SCN8A: variants seen among roughly 807,000 people sequenced by gnomAD.
SCN8A encodes sodium voltage-gated channel alpha subunit 8, also known as sodium channel protein type 8 subunit alpha.
Under a neutral mutation model 184.1 loss-of-function variants are expected in SCN8A, and 30 were observed. The ratio of observed to expected loss-of-function variants is 0.16; its 90% CI spans 0.12 to 0.22. The LOEUF is 0.22. Among genes scored for constraint, SCN8A ranks in the 10% least tolerant of loss-of-function variants. The probability of loss-of-function intolerance (pLI) is 1.00; values close to 1 mark genes in which losing one functional copy is unlikely to be tolerated. For synonymous variants in SCN8A, 852 were observed against 907.0 expected (o/e 0.94, Z 1.09); for missense variants, 1,057 against 2,498.9 (o/e 0.42, Z 12.30).
rs1414313102 is a variant in SCN8A, at chr12:51,810,182, T to C, written c.*2753T>C. 1.2e-5 allele frequency: 3 copies of C among 243,394 alleles called. No individual in the cohort carries two copies. The allele number at this position is 243,394 out of a possible 1,614,324, so 15.1% of individuals were successfully genotyped here. The stretch of plus-strand genomic sequence containing the variant: ...CTGTCTCCTCAGTAACACATGGGCC[T>C]TGGTATCTGGCACCCATCAGCCAGC... On this transcript the variant is annotated 3_prime_UTR_variant, in exon 27 of 27. Transcript: ENST00000627620.
At chr12:51,678,952 T>C (rs1941274725) in intron 2 of SCN8A, among the ~76,000 whole-genome samples, 1 of 151,892 alleles carries the variant, frequency 6.6e-6, no homozygotes. Flanking sequence ...GGCGGGCGCC[T>C]GTAGTCCCAG....
chr12:51,647,094 G>C (rs887346418), intron 1 of SCN8A, among the ~76,000 whole-genome samples: 1 of 152,018 alleles, frequency 6.6e-6, no homozygotes, highest in African/African-American at 2.4e-5. Context: ...CAGTAGTCCC[G>C]GCCACTTGGG....
Position 51,755,733 on chromosome 12 carries a change from G to C in SCN8A, c.2370+4140G>C, listed in dbSNP as rs925926900. Reference sequence around the variant, plus strand: ...ATGATGAGCTATTTATATTGAGCTAGCCGTGGATATTGCAAACCATGAGTT... The same window carrying C: ...ATGATGAGCTATTTATATTGAGCTACCCGTGGATATTGCAAACCATGAGTT... On this transcript the variant is annotated intron_variant, in intron 14 of 26. Transcript: ENST00000627620. Among the ~76,000 whole-genome samples the C allele has an allele frequency of 9.9e-5, 15 of 152,256 alleles. 1 individual carries two copies. The highest frequency in any genetic ancestry group is 5.2e-4 in the Admixed American group (8 of 15,300).
At chr12:51,680,554 C>G (rs1018185317) in intron 2 of SCN8A, among the ~76,000 whole-genome samples, 15 of 152,086 alleles carry the variant, frequency 9.9e-5, no homozygotes, top group Admixed American at 2.0e-4. Context: ...GTTCATGAAC[C>G]AATCAACAGA....
intron 1 of SCN8A, among the ~76,000 whole-genome samples, chr12:51,629,926 C>T (rs1162281346): frequency 5.3e-5 from 8 of 152,080 alleles, no homozygotes; most frequent in Admixed American, 4.6e-4. Context: ...TTCCTGATGG[C>T]TGTCTTCATC....
At chr12:51,759,044 C>T (rs1016469960) in intron 14 of SCN8A, among the ~76,000 whole-genome samples, 1 of 151,696 alleles carries the variant, frequency 6.6e-6, no homozygotes, top group Non-Finnish European at 1.5e-5. Flanking sequence ...CCACGTACCA[C>T]ATAACAACAT....
Position 51,696,764 on chromosome 12 carries a change from C to T in SCN8A, c.707-2806C>T, listed in dbSNP as rs1436969264. Among the ~76,000 whole-genome samples the T allele has an allele frequency of 3.3e-5, 5 of 152,056 alleles. No individual in the cohort carries two copies. In the East Asian group the frequency reaches 9.6e-4, roughly 29 times the overall value. On this transcript the variant is annotated intron_variant, in intron 6 of 26. Coordinates refer to ENST00000627620, the MANE Select transcript of SCN8A (RefSeq NM_001330260.2). ...CAATAGGTCAGGCCGGGTGCAGTGG[C>T]TCACACCTGTAATCCCAGCACTTTG...
At chr12:51,617,870 C>G (rs1251146130) in intron 1 of SCN8A, among the ~76,000 whole-genome samples, 3 of 152,130 alleles carry the variant, frequency 2.0e-5, no homozygotes, top group African/African-American at 7.2e-5. Context: ...TATGTCCCAG[C>G]TAGTGGCCAG....
intron 24 of SCN8A, 41 bp downstream of exon 24, chr12:51,789,459 C>T: frequency 6.2e-7 from 1 of 1,606,234 alleles, no homozygotes; most frequent in Non-Finnish European, 8.5e-7. Flanking sequence ...GGAAGTCAGC[C>T]CAGATAAGAG....
chr12:51,742,175 A>C (rs1942437279), intron 12 of SCN8A, among the ~76,000 whole-genome samples: 1 of 152,112 alleles, frequency 6.6e-6, no homozygotes. Flanking sequence ...TGTAGTTATT[A>C]TTTATATTGG....
At chr12:51,620,918 T>C (rs1939947887) in intron 1 of SCN8A, among the ~76,000 whole-genome samples, 1 of 151,732 alleles carries the variant, frequency 6.6e-6, no homozygotes, top group South Asian at 2.1e-4. Context: ...GCCCAGGAGG[T>C]TGAGGCTGTA....
intron 21 of SCN8A, among the ~76,000 whole-genome samples, chr12:51,781,051 G>A (rs952598932): frequency 1.3e-5 from 2 of 152,134 alleles, no homozygotes; most frequent in Admixed American, 1.3e-4. Context: ...TAGCACTCGG[G>A]GCGGCTTTCT....
At position 51,807,997 on chromosome 12, in the gene SCN8A, A is replaced by T; in HGVS notation, c.*568A>T. ...GTGGTTTGGAGATGGGTGGGGGAAAACAATCAGGTTTCTTCAGGCTGAGGA... is the reference window on the plus strand; with the variant it reads ...GTGGTTTGGAGATGGGTGGGGGAAATCAATCAGGTTTCTTCAGGCTGAGGA... On this transcript the variant is annotated 3_prime_UTR_variant, in exon 27 of 27. Coordinates refer to ENST00000627620, the MANE Select transcript of SCN8A (RefSeq NM_001330260.2). This position sits in a 1 kb window ranked among gnomAD's most constrained non-coding sequence, Gnocchi z 4.5. The T allele has an allele frequency of 6.0e-6, 1 of 167,442 alleles. No homozygotes were observed. The allele number at this position is 167,442 out of a possible 1,614,324, so 10.4% of individuals were successfully genotyped here.
chr12:51,728,035 C>T (rs1028064925), intron 12 of SCN8A, among the ~76,000 whole-genome samples: 2 of 152,134 alleles, frequency 1.3e-5, no homozygotes, highest in Non-Finnish European at 2.9e-5. Context: ...GGCCTGCTCA[C>T]CCGTGTTGGT....
At chr12:51,661,210 C>T (rs1592362224) in intron 1 of SCN8A, among the ~76,000 whole-genome samples, 1 of 152,134 alleles carries the variant, frequency 6.6e-6, no homozygotes, top group Admixed American at 6.5e-5. Context: ...ATCAAATGGA[C>T]TAAATTTGTA....
chr12:51,662,565 AGACTCCT>A (rs1940945209), intron 1 of SCN8A, among the ~76,000 whole-genome samples, 192 bp from the exon 2 acceptor site: 1 of 152,214 alleles, frequency 6.6e-6, no homozygotes, highest in South Asian at 2.1e-4. Flanking sequence ...GCAATTCAGG[AGACTCCT>A]GATCTTTGAT....
intron 14 of SCN8A, 54 bp from the exon 15 acceptor site, chr12:51,762,449 A>G (rs1942775722): frequency 2.0e-6 from 3 of 1,487,382 alleles, no homozygotes; most frequent in African/African-American, 1.4e-5. Context: ...ATAATGATAA[A>G]GGCATTCTCT....
At chr12:51,726,634 G>A (rs1942159424) in intron 12 of SCN8A, among the ~76,000 whole-genome samples, 1 of 151,922 alleles carries the variant, frequency 6.6e-6, no homozygotes, top group Non-Finnish European at 1.5e-5. Context: ...TCTGTTATAG[G>A]GCTATTGTGA....
At chr12:51,651,058 C>G (rs1315237236) in intron 1 of SCN8A, among the ~76,000 whole-genome samples, 1 of 152,236 alleles carries the variant, frequency 6.6e-6, no homozygotes, top group African/African-American at 2.4e-5. Flanking sequence ...ACAGATTGCT[C>G]ATGCTATTGT....
Sources: gnomAD v4.1 joint callset for allele counts (sites outside exome capture counted in the v4.1 genomes callset) on GRCh38, gnomAD v4.1.1 for gene constraint, Gnocchi (gnomAD v3.1) non-coding constraint, MANE v1.5 for transcripts, NCBI Gene and HGNC (gene_info 2026-07-23, HGNC 2026-07-21) for gene names.